PPP1R16B: variants seen among roughly 807,000 people sequenced by gnomAD.
PPP1R16B encodes protein phosphatase 1 regulatory subunit 16B, also known as protein phosphatase 1 regulatory inhibitor subunit 16B.
Under a neutral mutation model 61.7 loss-of-function variants are expected in PPP1R16B, and 14 were observed. The ratio of observed to expected loss-of-function variants is 0.23; its 90% CI spans 0.15 to 0.35. The LOEUF is 0.35. PPP1R16B is among the 10% of genes least tolerant of loss of function. The pLI is 1.00. For synonymous variants in PPP1R16B, 266 were observed against 305.3 expected (o/e 0.87, Z 1.34); for missense variants, 547 against 752.5 (o/e 0.73, Z 3.19).
intron 2 of PPP1R16B, among the ~76,000 whole-genome samples, chr20:38,870,354 A>C (rs1257542409): frequency 1.3e-5 from 2 of 152,214 alleles, no homozygotes; most frequent in African/African-American, 4.8e-5. Flanking sequence ...ACAAGTCCAC[A>C]TACACATAAC....
In PPP1R16B at chr20:38,920,436, G is replaced by A. The variant is rs1279408116; in HGVS notation, c.*1770G>A. ...GAAACTTGCCCTGAGGGGCACCTGG[G>A]CTAGGGGCTTGGGACTGGAAGACCA... On this transcript the variant is annotated 3_prime_UTR_variant, in exon 11 of 11. Coordinates refer to ENST00000299824, the MANE Select transcript of PPP1R16B (RefSeq NM_015568.4). 6.6e-6 allele frequency: 1 copy of A among 152,644 alleles called. No homozygotes were observed. The highest frequency in any genetic ancestry group is 1.5e-5 in the Non-Finnish European group (1 of 68,082). 9.5% of individuals were successfully genotyped at this position (152,644 alleles called of 1,614,324 possible).
chr20:38,891,760 C>A (rs1447030203), intron 3 of PPP1R16B, among the ~76,000 whole-genome samples: 2 of 151,868 alleles, frequency 1.3e-5, no homozygotes, highest in African/African-American at 4.8e-5. Flanking sequence ...TGAGATCATG[C>A]CACTACCCTC....
chr20:38,840,044 C>T (rs1178293658), intron 2 of PPP1R16B, among the ~76,000 whole-genome samples: 1 of 152,228 alleles, frequency 6.6e-6, no homozygotes, highest in Non-Finnish European at 1.5e-5. Context: ...TGCTCTGTGG[C>T]AGGCTCGTGG....
At chr20:38,884,656 C>T (rs1223196475) in intron 2 of PPP1R16B, among the ~76,000 whole-genome samples, 1 of 152,194 alleles carries the variant, frequency 6.6e-6, no homozygotes, top group Non-Finnish European at 1.5e-5. Context: ...ACTGTTGGGG[C>T]TGGACGTGGT....
At chr20:38,811,924 T>C (rs1326340371) in intron 1 of PPP1R16B, among the ~76,000 whole-genome samples, 1 of 152,192 alleles carries the variant, frequency 6.6e-6, no homozygotes, top group East Asian at 1.9e-4. Flanking sequence ...TGTGTCCAAT[T>C]CATTCAGCTG....
chr20:38,868,764 G>T (rs1170811266), intron 2 of PPP1R16B, among the ~76,000 whole-genome samples: 1 of 152,184 alleles, frequency 6.6e-6, no homozygotes, highest in Non-Finnish European at 1.5e-5. Context: ...GTATGGATGT[G>T]TGTGTTTGGC....
chr20:38,828,527 C>T (rs2084817774), intron 1 of PPP1R16B, among the ~76,000 whole-genome samples: 1 of 152,154 alleles, frequency 6.6e-6, no homozygotes, highest in Admixed American at 6.5e-5. Context: ...TAACTGAAGT[C>T]CTGAGACCCC....
chr20:38,837,516 T>C (rs150711531), intron 2 of PPP1R16B, among the ~76,000 whole-genome samples: 37 of 151,820 alleles, frequency 2.4e-4, no homozygotes, highest in African/African-American at 8.4e-4. Flanking sequence ...TCATACAATC[T>C]ATGTTTCCAG....
chr20:38,874,174 C>T (rs2085150221), intron 2 of PPP1R16B, among the ~76,000 whole-genome samples: 1 of 152,160 alleles, frequency 6.6e-6, no homozygotes, highest in Admixed American at 6.6e-5. Flanking sequence ...TGGAGACTGA[C>T]CACAATGCCC....
chr20:38,877,799 C>T (rs972329158), intron 2 of PPP1R16B, among the ~76,000 whole-genome samples: 2 of 152,102 alleles, frequency 1.3e-5, no homozygotes, highest in Non-Finnish European at 2.9e-5. Flanking sequence ...TGATTACCTC[C>T]TTATTTGCTC....
At chr20:38,917,356 T>G (rs1211281329) in intron 10 of PPP1R16B, among the ~76,000 whole-genome samples, 3 of 152,208 alleles carry the variant, frequency 2.0e-5, no homozygotes, top group Non-Finnish European at 4.4e-5. Flanking sequence ...TAGTCTCTTT[T>G]CTGTAATATA....
chr20:38,901,562 A>C (rs1415615528), intron 5 of PPP1R16B, among the ~76,000 whole-genome samples: 1 of 152,124 alleles, frequency 6.6e-6, no homozygotes, highest in Admixed American at 6.5e-5. Flanking sequence ...GGCATGCACC[A>C]CCATGCCCAG....
intron 2 of PPP1R16B, among the ~76,000 whole-genome samples, chr20:38,885,844 C>T (rs747205326): frequency 2.8e-4 from 43 of 152,154 alleles, no homozygotes; most frequent in African/African-American, 9.2e-4. Flanking sequence ...GGTGCAGTCT[C>T]GGCTCACTGC....
intron 2 of PPP1R16B, among the ~76,000 whole-genome samples, chr20:38,855,937 TATATATAGAGAGAGAG>T (rs1342679249): frequency 5.3e-5 from 2 of 37,774 alleles, no homozygotes; most frequent in Non-Finnish European, 8.7e-5. Context: ...TATATATATA[TATATATAGAGAGAGAG>T]AGAGAGAGAG....
rs1338095539 is a variant in PPP1R16B at position 38,920,025 on chromosome 20, G to T, written c.*1359G>T. On this transcript the variant is annotated 3_prime_UTR_variant, in exon 11 of 11. Coordinates refer to ENST00000299824, the MANE Select transcript of PPP1R16B (RefSeq NM_015568.4). ...GCAGGAGTGGTGATGCCCCAAGTCT[G>T]CGAATCCAGGGTGCACGTGGTCAAT... is the stretch of plus-strand genomic sequence containing the variant. 1.3e-5 allele frequency: 2 copies of T among 152,280 alleles called. No individual in the cohort carries two copies. Among genetic ancestry groups the T allele is most frequent in the African/African-American group, 4.8e-5 (2 of 41,464 alleles). 9.4% of individuals were successfully genotyped at this position (152,280 alleles called of 1,614,324 possible). A position where few individuals can be genotyped will look rare whatever the true frequency, so the allele number is the denominator to read the frequency against.
At chr20:38,856,667 C>A (rs2085010960) in intron 2 of PPP1R16B, among the ~76,000 whole-genome samples, 1 of 152,168 alleles carries the variant, frequency 6.6e-6, no homozygotes, top group Non-Finnish European at 1.5e-5. Context: ...AAGCACCAGG[C>A]ATTGTGCTAA....
At chr20:38,852,046 G>GT (rs1568662221) in intron 2 of PPP1R16B, among the ~76,000 whole-genome samples, 1 of 148,966 alleles carries the variant, frequency 6.7e-6, no homozygotes, top group African/African-American at 2.5e-5. Flanking sequence ...CGGGGACGGC[G>GT]GGGGGGGAAG....
chr20:38,841,134 A>G (rs2084906416), intron 2 of PPP1R16B, among the ~76,000 whole-genome samples: 1 of 152,118 alleles, frequency 6.6e-6, no homozygotes, highest in Non-Finnish European at 1.5e-5. Context: ...CTTGGGGTTC[A>G]GTTTACATAT....
Position 38,889,725 on chromosome 20 carries a change from G to C in PPP1R16B, c.321+60G>C, listed in dbSNP as rs371529294. 25 of 1,490,276 alleles carry C rather than the reference G, an allele frequency of 1.7e-5. No homozygotes were observed. In the African/African-American group the frequency reaches 3.0e-4, roughly 18 times the overall value. 92.3% of individuals were successfully genotyped at this position (1,490,276 alleles called of 1,614,324 possible). A position where few individuals can be genotyped will look rare whatever the true frequency, so the allele number is the denominator to read the frequency against. On this transcript the variant is annotated intron_variant, in intron 3 of 10. Transcript: ENST00000299824. ...TGCCCCTCACCTGGACAGGTACCCT[G>C]TTTCTCGGCACTTTCCTGCTCAGAA... is the stretch of plus-strand genomic sequence containing the variant.
Sources: allele counts gnomAD v4.1 joint callset (sites outside exome capture counted in the v4.1 genomes callset), GRCh38; gene constraint gnomAD v4.1.1; transcripts MANE v1.5; gene names NCBI Gene and HGNC (gene_info 2026-07-23, HGNC 2026-07-21).